The following ROBO1 variants were observed in gnomAD, a reference collection of about 807,000 sequenced individuals.
ROBO1 encodes roundabout homolog 1.
In ROBO1, 149 loss-of-function variants were observed where a neutral mutation model predicts 195.9. The ratio of observed to expected loss-of-function variants is 0.76; its 90% CI spans 0.67 to 0.87. The LOEUF is 0.87. Ranked by LOEUF, ROBO1 falls within the 40% of genes least tolerant of loss-of-function variation. The pLI, the probability that ROBO1 is intolerant of heterozygous loss-of-function variation, is 0.00. For synonymous variants in ROBO1, 816 were observed against 733.2 expected (o/e 1.11, Z -1.82); for missense variants, 1,933 against 2,068.3 (o/e 0.93, Z 1.27).
At chr3:79,617,681 T>G (rs1944868280) in intron 1 of ROBO1, among the ~76,000 whole-genome samples, 1 of 151,838 alleles carries the variant, frequency 6.6e-6, no homozygotes, top group Admixed American at 6.6e-5. Context: ...TCCCAAAGGA[T>G]CACACTCTCT....
chr3:78,981,176 C>T (rs1467342886), intron 3 of ROBO1, among the ~76,000 whole-genome samples: 1 of 152,066 alleles, frequency 6.6e-6, no homozygotes, highest in East Asian at 1.9e-4. Flanking sequence ...AATCATATGC[C>T]ATTCTACATA....
At chr3:78,752,190 A>C (rs2108312212) in intron 4 of ROBO1, among the ~76,000 whole-genome samples, 1 of 152,256 alleles carries the variant, frequency 6.6e-6, no homozygotes, top group South Asian at 2.1e-4. Context: ...AGAAAATATT[A>C]CTTACTTTTA....
chr3:78,955,599 C>T (rs1045040682), intron 3 of ROBO1, among the ~76,000 whole-genome samples: 1 of 151,900 alleles, frequency 6.6e-6, no homozygotes, highest in African/African-American at 2.4e-5. Flanking sequence ...AAATATAATT[C>T]GCCAAAAGTC....
chr3:78,988,516 C>G (rs186634431), intron 3 of ROBO1, among the ~76,000 whole-genome samples: 1 of 152,048 alleles, frequency 6.6e-6, no homozygotes, highest in South Asian at 2.1e-4. Context: ...ACCTTTTATC[C>G]CCACCTGCTG....
At chr3:78,922,988 AATAAAG>A (rs1461700368) in intron 4 of ROBO1, among the ~76,000 whole-genome samples, 2 of 152,148 alleles carry the variant, frequency 1.3e-5, no homozygotes, top group Admixed American at 6.5e-5. Flanking sequence ...TTGACTATTT[AATAAAG>A]ATAATTATCT....
chr3:79,721,255 T>A (rs1418028061), intron 1 of ROBO1, among the ~76,000 whole-genome samples: 2 of 152,214 alleles, frequency 1.3e-5, no homozygotes, highest in African/African-American at 4.8e-5. Flanking sequence ...ATTATGGAGA[T>A]AATTACTCTC....
At chr3:79,540,582 G>A (rs1942028174) in intron 2 of ROBO1, among the ~76,000 whole-genome samples, 1 of 152,046 alleles carries the variant, frequency 6.6e-6, no homozygotes, top group Non-Finnish European at 1.5e-5. Context: ...AACAACACAT[G>A]CATTTCAGAC....
chr3:79,536,671 A>G (rs116273139), intron 2 of ROBO1, among the ~76,000 whole-genome samples: 1,562 of 152,298 alleles, frequency 0.01, 24 homozygotes, highest in African/African-American at 0.036. Flanking sequence ...AACAATATCA[A>G]TAATCAACAA....
At chr3:79,753,299 A>G (rs1187121036) in intron 1 of ROBO1, among the ~76,000 whole-genome samples, 1 of 152,174 alleles carries the variant, frequency 6.6e-6, no homozygotes, top group Non-Finnish European at 1.5e-5. Flanking sequence ...TTAAAAAAAA[A>G]AAAACTTTCC....
At chr3:78,874,481 C>T (rs2035723624) in intron 4 of ROBO1, among the ~76,000 whole-genome samples, 2 of 151,606 alleles carry the variant, frequency 1.3e-5, no homozygotes, top group Non-Finnish European at 3.0e-5. Flanking sequence ...TACTAATACA[C>T]CGTAATAATA....
At chr3:78,618,481 T>TA (rs1203420323) in intron 26 of ROBO1, among the ~76,000 whole-genome samples, 2 of 152,224 alleles carry the variant, frequency 1.3e-5, no homozygotes, top group Admixed American at 1.3e-4. Flanking sequence ...TTCCCTTTTT[T>TA]AAATCACCTC....
At chr3:79,247,042 T>C (rs1445031199) in intron 2 of ROBO1, among the ~76,000 whole-genome samples, 1 of 151,784 alleles carries the variant, frequency 6.6e-6, no homozygotes, top group Non-Finnish European at 1.5e-5. Context: ...GCTCATCTTA[T>C]CCTTTTTTCC....
chr3:79,620,226 G>C (rs1384473315), intron 1 of ROBO1, among the ~76,000 whole-genome samples: 1 of 152,110 alleles, frequency 6.6e-6, no homozygotes. Flanking sequence ...AGAGCCCCTG[G>C]AACTCTGGCC....
At chr3:79,281,049 C>G (rs1335406432) in intron 2 of ROBO1, among the ~76,000 whole-genome samples, 1 of 152,120 alleles carries the variant, frequency 6.6e-6, no homozygotes, top group African/African-American at 2.4e-5. Flanking sequence ...CTTCGTTGCT[C>G]TTTCCTAAGA....
chr3:78,813,401 A>G (rs764962819), intron 4 of ROBO1, among the ~76,000 whole-genome samples: 1 of 152,120 alleles, frequency 6.6e-6, no homozygotes, highest in Non-Finnish European at 1.5e-5. Context: ...TGGATTTTAC[A>G]AGGGATAAAT....
At chr3:78,946,006 G>A (rs949671355) in intron 3 of ROBO1, among the ~76,000 whole-genome samples, 1 of 152,136 alleles carries the variant, frequency 6.6e-6, no homozygotes, top group Non-Finnish European at 1.5e-5. Context: ...AAGCCTCCAA[G>A]AAATATAGGA....
chr3:79,444,897 C>A (rs745726851), intron 2 of ROBO1, among the ~76,000 whole-genome samples: 1 of 151,694 alleles, frequency 6.6e-6, no homozygotes, highest in Non-Finnish European at 1.5e-5. Context: ...CAACTGATAA[C>A]AATGCAAATA....
rs145186389 is a variant in ROBO1, at chr3:79,496,387, C to CATTT, written c.88+93436_88+93437insAAAT. Among the ~76,000 whole-genome samples, 111 of 112,584 alleles carry CATTT rather than the reference C, an allele frequency of 9.9e-4. 5 individuals are homozygous for CATTT. Among genetic ancestry groups the CATTT allele is most frequent in the East Asian group, 1.6e-3 (6 of 3,740 alleles). The allele number at this position is 112,584 out of a possible 152,430, so 73.9% of individuals were successfully genotyped here. ...TTTTGGTATAATGCTGCGCACCCAT[C>CATTT]TTTTTTTGAGACGGAGTCTCGCTCT... On this transcript the variant is annotated intron_variant, in intron 2 of 30. Coordinates refer to ENST00000464233, the MANE Select transcript of ROBO1 (RefSeq NM_002941.4).
At chr3:79,117,760 A>C (rs1160989220) in intron 3 of ROBO1, among the ~76,000 whole-genome samples, 1 of 152,238 alleles carries the variant, frequency 6.6e-6, no homozygotes, top group African/African-American at 2.4e-5. Context: ...CTTTTCACTT[A>C]GCCCTCCAAA....
Sources: allele counts gnomAD v4.1 joint callset (sites outside exome capture counted in the v4.1 genomes callset), GRCh38; gene constraint gnomAD v4.1.1; transcripts MANE v1.5; gene names NCBI Gene and HGNC (gene_info 2026-07-23, HGNC 2026-07-21).